The following KLF13 variants were observed in gnomAD, a reference collection of about 807,000 sequenced individuals.
KLF13 encodes the protein Krueppel-like factor 13.
A neutral mutation model predicts 16.7 loss-of-function variants in KLF13; 8 were observed. The observed-to-expected ratio is 0.48, with a 90% CI of 0.28 to 0.87. The LOEUF (loss-of-function observed/expected upper bound fraction) is 0.87, where lower values mean the gene tolerates loss of function less well. Among genes scored for constraint, KLF13 ranks in the 40% least tolerant of loss-of-function variants. The pLI, the probability that KLF13 is intolerant of heterozygous loss-of-function variation, is 0.10. For missense variants in KLF13, 447 were observed against 452.2 expected (o/e 0.99, Z 0.10); for synonymous variants, 245 against 208.4 (o/e 1.18, Z -1.51).
intron 1 of KLF13, among the ~76,000 whole-genome samples, chr15:31,347,956 G>A (rs1410093148): frequency 2.0e-5 from 3 of 152,264 alleles, no homozygotes; most frequent in Non-Finnish European, 4.4e-5. Flanking sequence ...TTCTCAGTGC[G>A]TTCCAGATCT....
chr15:31,360,474 A>T (rs2039365492), intron 1 of KLF13, among the ~76,000 whole-genome samples: 1 of 152,198 alleles, frequency 6.6e-6, no homozygotes, highest in South Asian at 2.1e-4. Flanking sequence ...CGGGGCTGCC[A>T]GGTCACCTGT....
At chr15:31,383,771 G>T (rs537067957) in intron 1 of KLF13, among the ~76,000 whole-genome samples, 18 of 152,120 alleles carry the variant, frequency 1.2e-4, no homozygotes, top group Admixed American at 4.6e-4. Flanking sequence ...GCGTGGTGGT[G>T]GGCGCCTGTA....
intron 1 of KLF13, among the ~76,000 whole-genome samples, chr15:31,384,977 G>A (rs1288225521): frequency 6.6e-6 from 1 of 152,210 alleles, no homozygotes; most frequent in Non-Finnish European, 1.5e-5. Flanking sequence ...AGGCCTTGGG[G>A]AGGTGATTAG....
chr15:31,415,636 AAGC>A (rs2040246320), intron 1 of KLF13, among the ~76,000 whole-genome samples: 1 of 152,206 alleles, frequency 6.6e-6, no homozygotes, highest in Non-Finnish European at 1.5e-5. Flanking sequence ...AATGCGAGTA[AAGC>A]AGTGCTTAGA....
At chr15:31,366,108 C>T (rs2039466401) in intron 1 of KLF13, 1 of 151,486 alleles carries the variant, frequency 6.6e-6, no homozygotes, top group Non-Finnish European at 1.5e-5. Context: ...TCCCCACCCA[C>T]CCCACTCTCC....
intron 1 of KLF13, among the ~76,000 whole-genome samples, chr15:31,417,349 G>A (rs981167132): frequency 6.6e-6 from 1 of 151,712 alleles, no homozygotes; most frequent in Non-Finnish European, 1.5e-5. Context: ...ACAAAAATTA[G>A]CCAGGCATCA....
intron 2 of KLF13, among the ~76,000 whole-genome samples, chr15:31,399,284 C>T (rs1450275215): frequency 6.6e-6 from 1 of 152,162 alleles, no homozygotes; most frequent in Non-Finnish European, 1.5e-5. Flanking sequence ...CAGGATCAAG[C>T]GATTCTCCTG....
intron 1 of KLF13, among the ~76,000 whole-genome samples, chr15:31,331,427 G>A (rs1444697710): frequency 6.6e-6 from 1 of 152,236 alleles, no homozygotes; most frequent in African/African-American, 2.4e-5. Flanking sequence ...GATCCTGACA[G>A]ATTATTGCGA....
chr15:31,432,589 T>C (rs1280650152), intron 1 of KLF13, among the ~76,000 whole-genome samples: 1 of 151,858 alleles, frequency 6.6e-6, no homozygotes, highest in Non-Finnish European at 1.5e-5. Flanking sequence ...GCTGGGACTA[T>C]AGGCATGCAC....
chr15:31,374,785 G>A lies in KLF13; in HGVS notation c.*2486G>A, dbSNP rs1287753594. ...CTCCACATCTGTCTGCACATAGGAAGGAAAAGATAGGACTCTAAACCTAGT... is the reference window on the plus strand; with the variant it reads ...CTCCACATCTGTCTGCACATAGGAAAGAAAAGATAGGACTCTAAACCTAGT... On this transcript the variant is annotated 3_prime_UTR_variant, in exon 2 of 2. Transcript: ENST00000307145. The A allele has an allele frequency of 1.4e-5, 2 of 145,160 alleles. No individual in the cohort carries two copies. Among genetic ancestry groups the A allele is most frequent in the African/African-American group, 5.2e-5 (2 of 38,814 alleles). The allele number at this position is 145,160 out of a possible 1,614,324, so 9.0% of individuals were successfully genotyped here.
At chr15:31,328,563 C>T (rs2038764607) in intron 1 of KLF13, among the ~76,000 whole-genome samples, 1 of 151,876 alleles carries the variant, frequency 6.6e-6, no homozygotes, top group South Asian at 2.1e-4. Flanking sequence ...CTCCGTGCTG[C>T]CCTCTCGCCT....
intron 1 of KLF13, among the ~76,000 whole-genome samples, chr15:31,331,732 CAA>C (rs998814343): frequency 1.1e-4 from 16 of 152,194 alleles, no homozygotes; most frequent in Non-Finnish European, 1.0e-4. Context: ...ACTCCTCAAA[CAA>C]TGCAGAAATG....
intron 1 of KLF13, among the ~76,000 whole-genome samples, chr15:31,347,079 A>T (rs561238166): frequency 1.3e-5 from 2 of 152,174 alleles, no homozygotes; most frequent in Admixed American, 6.5e-5. Flanking sequence ...CCCAGCAGGT[A>T]GGAGGATTTG....
At chr15:31,334,966 C>G (rs2038902685) in intron 1 of KLF13, among the ~76,000 whole-genome samples, 1 of 152,208 alleles carries the variant, frequency 6.6e-6, no homozygotes, top group Non-Finnish European at 1.5e-5. Context: ...TTGTTTTACT[C>G]TTGGCATCAA....
At chr15:31,345,482 G>A (rs1432588510) in intron 1 of KLF13, among the ~76,000 whole-genome samples, 1 of 152,214 alleles carries the variant, frequency 6.6e-6, no homozygotes, top group Non-Finnish European at 1.5e-5. Context: ...GGCAGATCCT[G>A]CCTTGAGTGA....
At position 31,375,055 on chromosome 15, in the gene KLF13, T is replaced by A. The variant is rs1054471951; in HGVS notation, c.*2756T>A. The A allele has an allele frequency of 1.3e-5, 2 of 152,492 alleles. No individual in the cohort carries two copies. The highest frequency in any genetic ancestry group is 3.9e-4 in the East Asian group (2 of 5,192). The allele number at this position is 152,492 out of a possible 1,614,324, so 9.4% of individuals were successfully genotyped here. Reference sequence around the variant, plus strand: ...AAGTGGTTCTCGTTTAATGGCAGGGTGCGGTCCTTAGGCCCCGGCCTGGAC... The same window carrying A: ...AAGTGGTTCTCGTTTAATGGCAGGGAGCGGTCCTTAGGCCCCGGCCTGGAC... On this transcript the variant is annotated 3_prime_UTR_variant, in exon 2 of 2. Coordinates refer to ENST00000307145, the MANE Select transcript of KLF13 (RefSeq NM_015995.4).
Position 31,423,107 on chromosome 15 carries a change from G to GTATATGTATACGTATATA in KLF13, n.118-12259_118-12258insTGTATACGTATATATATA, listed in dbSNP as rs1412478799. On this transcript the variant is annotated intron_variant and non_coding_transcript_variant, in intron 1 of 1. Transcript: ENST00000558225. ...TATATATACGTATATATACGTATAC[G>GTATATGTATACGTATATA]TATACGTATATATACGTATATATAC... Among the ~76,000 whole-genome samples, 2 of 26,394 alleles carry GTATATGTATACGTATATA rather than the reference G, an allele frequency of 7.6e-5. 1 individual carries two copies. The highest frequency in any genetic ancestry group is 8.0e-4 in the African/African-American group (2 of 2,500). The allele number at this position is 26,394 out of a possible 152,430, so 17.3% of individuals were successfully genotyped here.
chr15:31,327,442 C>T lies in KLF13; in HGVS notation c.230C>T (p.Ala77Val). The change falls in exon 1 of 2, where the codon GCG becomes GTG. Residue 77 changes from alanine to valine, a missense_variant. Ala to Val is a moderately conservative substitution (Grantham distance 64). Coordinates refer to ENST00000307145, the MANE Select transcript of KLF13 (RefSeq NM_015995.4). The part of the protein sequence containing the change: ...ILADLNQQAP[A>V]PAPAERREGA... ...GCGGACCTCAACCAGCAAGCGCCGG[C>T]GCCCGCCCCGGCGGAGCGCAGGGAG... 2 of 1,245,266 alleles carry T rather than the reference C, an allele frequency of 1.6e-6. No homozygotes were observed. The highest frequency in any genetic ancestry group is 2.6e-5 in the South Asian group (1 of 38,266). The allele number at this position is 1,245,266 out of a possible 1,614,324, so 77.1% of individuals were successfully genotyped here.
intron 2 of KLF13, among the ~76,000 whole-genome samples, chr15:31,401,821 T>A (rs2040040795): frequency 6.6e-6 from 1 of 152,154 alleles, no homozygotes; most frequent in Non-Finnish European, 1.5e-5. Context: ...GGGCTGAGTC[T>A]CCAAGGGCAG....
Sources: gnomAD v4.1 joint callset for allele counts (sites outside exome capture counted in the v4.1 genomes callset) on GRCh38, gnomAD v4.1.1 for gene constraint, MANE v1.5 for transcripts, NCBI Gene and HGNC (gene_info 2026-07-23, HGNC 2026-07-21) for gene names.